Variants in CSMD1 observed in about 807,000 individuals in gnomAD.
CSMD1 encodes CUB and Sushi multiple domains 1.
In CSMD1, 213 loss-of-function variants were observed where a neutral mutation model predicts 417.5. That is an observed-to-expected ratio of 0.51 (90% CI 0.46 to 0.57). The LOEUF (loss-of-function observed/expected upper bound fraction) is 0.57. Ranked by LOEUF, CSMD1 falls within the 20% of genes least tolerant of loss-of-function variation. The pLI is 0.00. For synonymous variants in CSMD1, 2,862 were observed against 1,736.8 expected (o/e 1.65, Z -16.11); for missense variants, 6,923 against 4,529.7 (o/e 1.53, Z -15.17).
intron 25 of CSMD1, among the ~76,000 whole-genome samples, chr8:3,297,157 CATT>C (rs2117315961): frequency 6.6e-6 from 1 of 152,208 alleles, no homozygotes; most frequent in African/African-American, 2.4e-5. Flanking sequence ...TGCAAAACAT[CATT>C]GAGACAAATC....
At chr8:3,790,755 A>C (rs1799690238) in intron 5 of CSMD1, among the ~76,000 whole-genome samples, 1 of 152,226 alleles carries the variant, frequency 6.6e-6, no homozygotes, top group Non-Finnish European at 1.5e-5. Flanking sequence ...AACGACCTTC[A>C]GAAATAACTG....
chr8:3,500,247 T>C (rs1033929586), intron 10 of CSMD1, among the ~76,000 whole-genome samples: 2 of 152,206 alleles, frequency 1.3e-5, no homozygotes, highest in South Asian at 2.1e-4. Context: ...GCTTACCTAC[T>C]TGTCATTTTG....
chr8:3,892,693 T>G (rs1306375422), intron 5 of CSMD1, among the ~76,000 whole-genome samples: 1 of 150,384 alleles, frequency 6.6e-6, no homozygotes, highest in Non-Finnish European at 1.5e-5. Context: ...AAGTAGGCAC[T>G]TATTTGAGTA....
At chr8:3,502,013 A>G (rs960035270) in intron 10 of CSMD1, among the ~76,000 whole-genome samples, 13 of 152,182 alleles carry the variant, frequency 8.5e-5, no homozygotes, top group African/African-American at 3.1e-4. Context: ...GATACTTTGG[A>G]AGCTTCTTAC....
At position 2,951,110 on chromosome 8, in the gene CSMD1, C is replaced by G. The variant is rs199585948; in HGVS notation, c.10201+4G>C. 6.8e-6 allele frequency: 11 copies of G among 1,611,038 alleles called. No homozygotes were observed. Among genetic ancestry groups the G allele is most frequent in the Non-Finnish European group, 9.3e-6 (11 of 1,178,630 alleles). On this transcript the variant is annotated splice_donor_region_variant and intron_variant, in intron 66 of 69. Coordinates refer to ENST00000635120, the MANE Select transcript of CSMD1 (RefSeq NM_033225.6). ...ATGCGTTTAGTGAATTCTTCGGGACCTACCTGTCAACTTCAGCTCCACTGG... is the reference window on the plus strand; with the variant it reads ...ATGCGTTTAGTGAATTCTTCGGGACGTACCTGTCAACTTCAGCTCCACTGG...
chr8:4,046,838 G>A (rs146691309), intron 3 of CSMD1, among the ~76,000 whole-genome samples: 222 of 152,252 alleles, frequency 1.5e-3, no homozygotes, highest in Middle Eastern at 3.4e-3. Context: ...GGCACTTCAT[G>A]TATTATTTCC....
intron 3 of CSMD1, among the ~76,000 whole-genome samples, chr8:4,273,149 C>CTT (rs1804708073): frequency 6.6e-6 from 1 of 152,104 alleles, no homozygotes; most frequent in South Asian, 2.1e-4. Context: ...ACCATTTACT[C>CTT]TTACCTTTAT....
chr8:4,123,504 G>A (rs1161920549), intron 3 of CSMD1, among the ~76,000 whole-genome samples: 3 of 152,098 alleles, frequency 2.0e-5, no homozygotes, highest in African/African-American at 4.8e-5. Context: ...TAGAAGATTC[G>A]GGACTGTGTT....
intron 50 of CSMD1, among the ~76,000 whole-genome samples, chr8:3,030,593 C>T (rs1001195397): frequency 6.6e-6 from 1 of 151,990 alleles, no homozygotes; most frequent in African/African-American, 2.4e-5. Context: ...TCTCCTGCCT[C>T]AGCCTCCCAA....
chr8:4,112,504 A>G (rs1801909857), intron 3 of CSMD1, among the ~76,000 whole-genome samples: 1 of 152,162 alleles, frequency 6.6e-6, no homozygotes, highest in Admixed American at 6.6e-5. Flanking sequence ...CATCCTGAAT[A>G]CAGGAAGTTT....
intron 1 of CSMD1, among the ~76,000 whole-genome samples, chr8:4,756,647 C>T (rs1811686341): frequency 6.6e-6 from 1 of 152,158 alleles, no homozygotes; most frequent in Non-Finnish European, 1.5e-5. Context: ...ATTAACTTCG[C>T]CCTGGAGGAT....
In CSMD1 at chr8:2,992,362, A is replaced by T. The variant is rs184342387; in HGVS notation, c.8377+5649T>A. Reference sequence around the variant, plus strand: ...TGGTTGCACAACATGGTCATGGCGAAAGCGCCCCTGAACTGCACACTTTAG... The same window carrying T: ...TGGTTGCACAACATGGTCATGGCGATAGCGCCCCTGAACTGCACACTTTAG... On this transcript the variant is annotated intron_variant, in intron 54 of 69. Transcript: ENST00000635120. Among the ~76,000 whole-genome samples the T allele has an allele frequency of 1.9e-3, 293 of 152,194 alleles. 4 individuals carry two copies. The highest frequency in any genetic ancestry group is 0.014 in the Middle Eastern group (4 of 292).
chr8:4,769,865 C>A (rs920488053), intron 1 of CSMD1, among the ~76,000 whole-genome samples: 2 of 152,084 alleles, frequency 1.3e-5, no homozygotes, highest in Admixed American at 1.3e-4. Flanking sequence ...ATATATGCAT[C>A]CCACCACTAA....
intron 26 of CSMD1, among the ~76,000 whole-genome samples, chr8:3,281,488 G>C (rs1441191318): frequency 6.6e-6 from 1 of 152,084 alleles, no homozygotes; most frequent in African/African-American, 2.4e-5. Flanking sequence ...CAAGTCAATA[G>C]AATATTATTC....
At chr8:4,215,328 T>A (rs1800599480) in intron 3 of CSMD1, among the ~76,000 whole-genome samples, 1 of 152,192 alleles carries the variant, frequency 6.6e-6, no homozygotes, top group African/African-American at 2.4e-5. Flanking sequence ...TACATTTGGC[T>A]TTTAGATGTC....
At chr8:3,406,402 T>C (rs1454063884) in intron 14 of CSMD1, among the ~76,000 whole-genome samples, 181 bp from the exon 15 acceptor site, 1 of 152,154 alleles carries the variant, frequency 6.6e-6, no homozygotes, top group Admixed American at 6.5e-5. Context: ...CAGTGTCTAG[T>C]GAGAAAGAGC....
intron 1 of CSMD1, among the ~76,000 whole-genome samples, chr8:4,730,528 C>G (rs527673340): frequency 9.6e-4 from 146 of 152,160 alleles, no homozygotes; most frequent in African/African-American, 3.1e-3. Flanking sequence ...ATCACGAGGT[C>G]AGGAGATGGA....
chr8:3,093,564 A>C (rs907504340), intron 47 of CSMD1, among the ~76,000 whole-genome samples: 1 of 152,042 alleles, frequency 6.6e-6, no homozygotes, highest in Non-Finnish European at 1.5e-5. Context: ...GCTACTCAGG[A>C]GGCTGAGGCA....
chr8:4,345,858 G>C (rs979729700), intron 3 of CSMD1, among the ~76,000 whole-genome samples: 1 of 152,102 alleles, frequency 6.6e-6, no homozygotes, highest in African/African-American at 2.4e-5. Context: ...GTGTTCTGAG[G>C]TTACATGCAC....
Sources: allele counts gnomAD v4.1 joint callset (sites outside exome capture counted in the v4.1 genomes callset), GRCh38; gene constraint gnomAD v4.1.1; transcripts MANE v1.5; gene names NCBI Gene and HGNC (gene_info 2026-07-23, HGNC 2026-07-21).